Variants in ATN1 observed in about 807,000 individuals in gnomAD.
The protein encoded by ATN1 is atrophin 1.
ATN1 carries 19 observed loss-of-function variants against 85.8 expected under a neutral mutation model. That is an observed-to-expected ratio of 0.22 (90% confidence interval 0.15 to 0.32). The LOEUF (loss-of-function observed/expected upper bound fraction) is 0.32. Among genes scored for constraint, ATN1 ranks in the 10% least tolerant of loss-of-function variants. ATN1 has a pLI of 1.00. For synonymous variants in ATN1, 674 were observed against 657.0 expected (o/e 1.03, Z -0.39); for missense variants, 1,453 against 1,564.5 (o/e 0.93, Z 1.20).
Position 6,935,552 on chromosome 12 carries a change from A to G in ATN1, c.285A>G (p.Glu95=), listed in dbSNP as rs1591662219. 6.2e-7 allele frequency: 1 copy of G among 1,607,206 alleles called. No individual in the cohort carries two copies. Among genetic ancestry groups the G allele is most frequent in the Admixed American group, 1.7e-5 (1 of 59,624 alleles). The change falls in exon 5 of 10, where the codon GAA becomes GAG. Residue 95 remains glutamate (E), a synonymous_variant. Transcript: ENST00000396684. The surrounding 1 kb of genome is among the most constrained non-coding windows in gnomAD (Gnocchi z 5.3). ...GAGTCTTCCCTTTTCTACAGCAGGA[A>G]CTCCCTCGGCCACAGTCTCCCTCCG... The part of the protein sequence containing the change: ...NAPKKTKTEQ[E]LPRPQSPSDL...
chr12:6,941,529 C>T lies in ATN1; in HGVS notation c.3514C>T (p.Leu1172=), dbSNP rs1945634848. 1.9e-6 allele frequency: 3 copies of T among 1,612,800 alleles called. No homozygotes were observed. Among genetic ancestry groups the T allele is most frequent in the Non-Finnish European group, 2.5e-6 (3 of 1,179,902 alleles). The change falls in exon 9 of 10, where the codon CTG becomes TTG. Residue 1172 remains leucine, a synonymous_variant. Transcript: ENST00000396684. This position sits in a 1 kb window ranked among gnomAD's most constrained non-coding sequence, Gnocchi z 5.9. The part of the protein sequence containing the change: ...HAHHPLHSVP[L]PAQEDYYSHL... The stretch of plus-strand genomic sequence containing the variant: ...CCATCACCCGCTGCACAGTGTGCCG[C>T]TGCCTGCCCAGGAGGACTACTACAG...
intron 1 of ATN1, among the ~76,000 whole-genome samples, chr12:6,931,407 T>C (rs1418150530): frequency 2.3e-5 from 3 of 132,476 alleles, no homozygotes; most frequent in African/African-American, 8.7e-5. Context: ...ATAGCTGTAG[T>C]TGAAAAAAAA....
Position 6,940,890 on chromosome 12 carries a change from G to A in ATN1, c.3225G>A (p.Ser1075=), listed in dbSNP as rs782559978. Residue 1075 remains serine (S), a synonymous_variant, in exon 8 of 10, where the codon TCG becomes TCA. Coordinates refer to ENST00000396684, the MANE Select transcript of ATN1 (RefSeq NM_001940.4). ...QQDAIHAASA[S]VHPLIDPLAS... is the part of the protein sequence containing the mutation. The stretch of plus-strand genomic sequence containing the variant: ...TTCTCTGCCCTCCAGCCTCTGCCTC[G>A]GTGCACCCTCTCATTGACCCCCTGG... 8.7e-6 allele frequency: 14 copies of A among 1,614,028 alleles called. No homozygotes were observed. The highest frequency in any genetic ancestry group is 2.7e-5 in the African/African-American group (2 of 74,980).
At position 6,933,893 on chromosome 12, in the gene ATN1, G is replaced by T; in HGVS notation, c.-109G>T. On this transcript the variant is annotated 5_prime_UTR_variant, in exon 2 of 10. Coordinates refer to ENST00000396684, the MANE Select transcript of ATN1 (RefSeq NM_001940.4). ...TTCCAGGTGCCCACACTGGAAACTT[G>T]GAGATCCTGCTTCCCAGACCACAGC... 1 of 1,380,718 alleles carries T rather than the reference G, an allele frequency of 7.2e-7. No individual in the cohort carries two copies. The highest frequency in any genetic ancestry group is 1.0e-6 in the Non-Finnish European group (1 of 1,000,364). The allele number at this position is 1,380,718 out of a possible 1,614,324, so 85.5% of individuals were successfully genotyped here. A position where few individuals can be genotyped will look rare whatever the true frequency, so the allele number is the denominator to read the frequency against.
intron 7 of ATN1, among the ~76,000 whole-genome samples, chr12:6,940,346 G>T (rs1441650728): frequency 1.3e-5 from 2 of 151,852 alleles, no homozygotes; most frequent in Non-Finnish European, 2.9e-5. Context: ...GCTCACTGCA[G>T]CTTCCACCTC....
chr12:6,925,115 TGC>T (rs1302876221), upstream of ATN1, among the ~76,000 whole-genome samples: 1 of 128,664 alleles, frequency 7.8e-6, no homozygotes, highest in Non-Finnish European at 1.6e-5. Context: ...TGTGTGCGTG[TGC>T]GTGTGTGTGT....
intron 7 of ATN1, among the ~76,000 whole-genome samples, chr12:6,940,114 C>T (rs781908610): frequency 6.6e-6 from 1 of 151,948 alleles, no homozygotes; most frequent in Admixed American, 6.5e-5. Context: ...GCACTGCCTG[C>T]CCGAGTAGCT....
rs1464030691 is a variant in ATN1, at chr12:6,931,686, G to T, written c.-162-2154G>T. ...CTGAGATCATGCCATAGCACCTCCA[G>T]CCTGGGGAACAAGAGCAAAGATCCA... is the stretch of plus-strand genomic sequence containing the variant. On this transcript the variant is annotated intron_variant, in intron 1 of 9. Transcript: ENST00000396684. Among the ~76,000 whole-genome samples the T allele has an allele frequency of 1.1e-4, 16 of 141,330 alleles. No individual in the cohort carries two copies. The East Asian group carries it at 3.2e-3, about 28-fold the overall frequency. The allele number at this position is 141,330 out of a possible 152,430, so 92.7% of individuals were successfully genotyped here. A position where few individuals can be genotyped will look rare whatever the true frequency, so the allele number is the denominator to read the frequency against.
rs1411945438 is a variant in ATN1, at chr12:6,928,243, G to A, written c.-304G>A. 1 of 148,830 alleles carries A rather than the reference G, an allele frequency of 6.7e-6. No individual in the cohort carries two copies. Among genetic ancestry groups the A allele is most frequent in the Non-Finnish European group, 1.5e-5 (1 of 66,370 alleles). 9.2% of individuals were successfully genotyped at this position (148,830 alleles called of 1,614,324 possible). A position where few individuals can be genotyped will look rare whatever the true frequency, so the allele number is the denominator to read the frequency against. On this transcript the variant is annotated 5_prime_UTR_variant, in exon 1 of 10. Transcript: ENST00000396684. ...TGGGGGCCGCCCTCCGGGGGGGTCG[G>A]GGCCGCCGCCGCCGTCGTCGCGGCG...
rs1326439445 is a variant in ATN1, at chr12:6,928,030, T to C, written c.-517T>C. ...CTAGGCGGGCGCGGGCGGCGGCGGG[T>C]CGGAACCGCGCCGAGGGCCGGGCGG... On this transcript the variant is annotated 5_prime_UTR_variant, in exon 1 of 10. Transcript: ENST00000396684. Among the ~76,000 whole-genome samples the C allele has an allele frequency of 7.4e-6, 1 of 136,044 alleles. No individual in the cohort carries two copies. The highest frequency in any genetic ancestry group is 1.6e-5 in the Non-Finnish European group (1 of 62,500). The allele number at this position is 136,044 out of a possible 152,430, so 89.3% of individuals were successfully genotyped here.
rs1945530357 is a variant in ATN1 at position 6,936,206 on chromosome 12, A to G, written c.939A>G (p.Ala313=). The part of the protein sequence containing the change: ...PPPALRPLNN[A]SASPPGLGAQ... ...CTGCCCTGAGACCCCTCAACAATGCATCAGCCTCTCCCCCTGGCCTGGGGG... is the reference window on the plus strand; with the variant it reads ...CTGCCCTGAGACCCCTCAACAATGCGTCAGCCTCTCCCCCTGGCCTGGGGG... The change falls in exon 5 of 10, where the codon GCA becomes GCG. Residue 313 remains alanine (A), a synonymous_variant. Coordinates refer to ENST00000396684, the MANE Select transcript of ATN1 (RefSeq NM_001940.4). 4 of 1,593,116 alleles carry G rather than the reference A, an allele frequency of 2.5e-6. No homozygotes were observed. Among genetic ancestry groups the G allele is most frequent in the Admixed American group, 3.4e-5 (2 of 58,378 alleles).
At chr12:6,930,823 T>TA (rs1945452808) in intron 1 of ATN1, among the ~76,000 whole-genome samples, 1 of 148,366 alleles carries the variant, frequency 6.7e-6, no homozygotes, top group Non-Finnish European at 1.5e-5. Context: ...AATAAATAAA[T>TA]AAATAAAATA....
upstream of ATN1, among the ~76,000 whole-genome samples, chr12:6,926,051 A>C (rs1050938359): frequency 4.3e-4 from 65 of 152,268 alleles, no homozygotes; most frequent in African/African-American, 1.5e-3. Flanking sequence ...GAGGGAGCCC[A>C]GGAGAAGGAA....
chr12:6,940,566 C>A (rs1847835166), intron 7 of ATN1, among the ~76,000 whole-genome samples: 1 of 152,172 alleles, frequency 6.6e-6, no homozygotes, highest in Admixed American at 6.5e-5. Context: ...CTGTGCCCGG[C>A]CTCTTCTTGT....
intron 1 of ATN1, 132 bp from the exon 2 acceptor site, chr12:6,933,708 C>G: frequency 5.8e-6 from 3 of 518,638 alleles, no homozygotes; most frequent in Non-Finnish European, 6.9e-6. Flanking sequence ...CCAGCAATGT[C>G]TTGTGGTATC....
intron 1 of ATN1, among the ~76,000 whole-genome samples, chr12:6,931,409 G>GAA (rs781985905): frequency 7.1e-4 from 38 of 53,504 alleles, no homozygotes; most frequent in East Asian, 1.1e-3. Context: ...AGCTGTAGTT[G>GAA]AAAAAAAAAA....
rs1945570949 is a variant in ATN1 at position 6,937,807 on chromosome 12, C to T, written c.2295-38C>T. 1.3e-6 allele frequency: 2 copies of T among 1,517,932 alleles called. No homozygotes were observed. Among genetic ancestry groups the T allele is most frequent in the African/African-American group, 1.4e-5 (1 of 71,792 alleles). 94.0% of individuals were successfully genotyped at this position (1,517,932 alleles called of 1,614,324 possible). On this transcript the variant is annotated intron_variant, in intron 5 of 9. Coordinates refer to ENST00000396684, the MANE Select transcript of ATN1 (RefSeq NM_001940.4). This position sits in a 1 kb window ranked among gnomAD's most constrained non-coding sequence, Gnocchi z 6.0. The stretch of plus-strand genomic sequence containing the variant: ...GCGCTGCGGGCTCCATCGGGCAGCT[C>T]GCACCGCCTGAGCGCCCGCTGCTTC...
At chr12:6,925,117 C>CGTGTGTGT (rs376981297), upstream of ATN1, among the ~76,000 whole-genome samples, 1,776 of 143,708 alleles carry the variant, frequency 0.012, 29 homozygotes, top group African/African-American at 0.025. Context: ...TGTGCGTGTG[C>CGTGTGTGT]GTGTGTGTGT....
chr12:6,937,256 C>T lies in ATN1; in HGVS notation c.1989C>T (p.Pro663=). ...CCGGATACAAACCCGGGTCGCCTCC[C>T]TCCTTCCGAACGGGGACCCCACCGG... ...TPPGYKPGSP[P]SFRTGTPPGY... is the part of the protein sequence containing the mutation. The change falls in exon 5 of 10, where the codon CCC becomes CCT. Residue 663 remains proline, a synonymous_variant. Coordinates refer to ENST00000396684, the MANE Select transcript of ATN1 (RefSeq NM_001940.4). The surrounding 1 kb of genome is among the most constrained non-coding windows in gnomAD (Gnocchi z 6.0). 6.2e-7 allele frequency: 1 copy of T among 1,611,482 alleles called. No individual in the cohort carries two copies. The highest frequency in any genetic ancestry group is 8.5e-7 in the Non-Finnish European group (1 of 1,179,532).
Sources: gnomAD v4.1 joint callset for allele counts (sites outside exome capture counted in the v4.1 genomes callset) on GRCh38, gnomAD v4.1.1 for gene constraint, Gnocchi (gnomAD v3.1) non-coding constraint, MANE v1.5 for transcripts, NCBI Gene and HGNC (gene_info 2026-07-23, HGNC 2026-07-21) for gene names.